PTPRD: variants seen among roughly 807,000 people sequenced by gnomAD.
PTPRD encodes the protein protein tyrosine phosphatase receptor type D.
Under a neutral mutation model 214.5 loss-of-function variants are expected in PTPRD, and 34 were observed. The ratio of observed to expected loss-of-function variants is 0.16; its 90% CI spans 0.12 to 0.21. The LOEUF is 0.21. Ranked by LOEUF, PTPRD falls within the 10% of genes least tolerant of loss-of-function variation. The pLI, the probability that PTPRD is intolerant of heterozygous loss-of-function variation, is 1.00. For missense variants in PTPRD, 2,545 were observed against 2,398.7 expected (o/e 1.06, Z -1.27); for synonymous variants, 1,128 against 845.7 (o/e 1.33, Z -5.79).
At chr9:10,351,409 G>C (rs1162636875) in intron 2 of PTPRD, among the ~76,000 whole-genome samples, 1 of 152,030 alleles carries the variant, frequency 6.6e-6, no homozygotes, top group Admixed American at 6.6e-5. Context: ...TAGTGATTAA[G>C]AGTCACATAC....
intron 39 of PTPRD, among the ~76,000 whole-genome samples, chr9:8,370,484 T>A (rs1252842723): frequency 1.3e-5 from 2 of 152,088 alleles, no homozygotes; most frequent in African/African-American, 4.8e-5. Context: ...ATATACTATT[T>A]TCTGGATTAA....
At chr9:9,842,327 T>C (rs1411763491) in intron 5 of PTPRD, among the ~76,000 whole-genome samples, 1 of 139,254 alleles carries the variant, frequency 7.2e-6, no homozygotes, top group African/African-American at 2.7e-5. Flanking sequence ...TTTTTTGTCA[T>C]GGACACCAAG....
intron 7 of PTPRD, among the ~76,000 whole-genome samples, chr9:9,667,029 T>C (rs1404323195): frequency 1.3e-5 from 2 of 152,078 alleles, no homozygotes; most frequent in Non-Finnish European, 2.9e-5. Flanking sequence ...ACCCTCAAAG[T>C]GCAAACATAA....
intron 2 of PTPRD, among the ~76,000 whole-genome samples, chr9:10,472,079 C>A (rs1203953120): frequency 6.6e-6 from 1 of 151,724 alleles, no homozygotes; most frequent in South Asian, 2.1e-4. Context: ...CTAATAAGGG[C>A]AAGTAAGAAC....
chr9:9,058,660 A>G (rs1226781238), intron 10 of PTPRD, among the ~76,000 whole-genome samples: 3 of 151,118 alleles, frequency 2.0e-5, no homozygotes, highest in South Asian at 2.1e-4. Context: ...CGTGTTAGCC[A>G]GGATGGTCTC....
rs533793311 is a variant in PTPRD, at chr9:10,063,945, T to C, written c.-544-30155A>G. Among the ~76,000 whole-genome samples the C allele has an allele frequency of 4.6e-5, 7 of 152,152 alleles. No individual in the cohort carries two copies. The South Asian group carries it at 1.5e-3, about 32-fold the overall frequency. Reference sequence around the variant, plus strand: ...TTAGCCAGTATTATGACTAAAAACCTTCCCTCACAGCTATTAATGGAACAC... The same window carrying C: ...TTAGCCAGTATTATGACTAAAAACCCTCCCTCACAGCTATTAATGGAACAC... On this transcript the variant is annotated intron_variant, in intron 3 of 45. Coordinates refer to ENST00000381196, the MANE Select transcript of PTPRD (RefSeq NM_002839.4).
chr9:9,407,469 G>A (rs144285766), intron 8 of PTPRD, among the ~76,000 whole-genome samples: 7 of 151,730 alleles, frequency 4.6e-5, no homozygotes, highest in African/African-American at 1.7e-4. Context: ...TCTACATTGA[G>A]TATACCAGAT....
At chr9:8,648,780 A>T (rs1382988286) in intron 12 of PTPRD, among the ~76,000 whole-genome samples, 1 of 152,228 alleles carries the variant, frequency 6.6e-6, no homozygotes, top group East Asian at 1.9e-4. Context: ...TAACATACTC[A>T]GGAAGCCATT....
intron 8 of PTPRD, among the ~76,000 whole-genome samples, chr9:9,523,986 C>T (rs2097058611): frequency 6.6e-6 from 1 of 152,152 alleles, no homozygotes; most frequent in Non-Finnish European, 1.5e-5. Flanking sequence ...TTCCCTCAGC[C>T]ACAGCCATCA....
At chr9:10,094,774 A>G (rs774301156) in intron 3 of PTPRD, among the ~76,000 whole-genome samples, 3 of 151,310 alleles carry the variant, frequency 2.0e-5, no homozygotes, top group Non-Finnish European at 4.4e-5. Flanking sequence ...CAGTAAGCTA[A>G]TTTTCCAGGC....
intron 20 of PTPRD, among the ~76,000 whole-genome samples, chr9:8,519,042 G>C (rs750265302): frequency 2.0e-5 from 3 of 151,820 alleles, no homozygotes; most frequent in Admixed American, 2.0e-4. Context: ...TCTATATTCT[G>C]GTAAGACACA....
intron 3 of PTPRD, among the ~76,000 whole-genome samples, chr9:10,228,707 GAATAT>G (rs2099597451): frequency 6.7e-6 from 1 of 149,334 alleles, no homozygotes; most frequent in Admixed American, 6.7e-5. Flanking sequence ...GCTATTGATA[GAATAT>G]ATTATATGTA....
At chr9:9,784,558 A>G (rs975330723) in intron 5 of PTPRD, among the ~76,000 whole-genome samples, 1 of 152,034 alleles carries the variant, frequency 6.6e-6, no homozygotes, top group African/African-American at 2.4e-5. Flanking sequence ...AGGGAGCTCT[A>G]AAGTCAAATC....
At chr9:8,343,256 G>A (rs1588165639) in intron 39 of PTPRD, among the ~76,000 whole-genome samples, 1 of 152,040 alleles carries the variant, frequency 6.6e-6, no homozygotes, top group African/African-American at 2.4e-5. Flanking sequence ...CTAACTAGCT[G>A]GGAATTTGAT....
chr9:8,360,171 G>A lies in PTPRD; in HGVS notation c.4661+15765C>T, dbSNP rs150815137. On this transcript the variant is annotated intron_variant, in intron 39 of 45. Transcript: ENST00000381196. Reference sequence around the variant, plus strand: ...AGTTAATTACTTTGGAAAGATAGACGTAAAAGTAATTTGTGTCCCGTCATA... The same window carrying A: ...AGTTAATTACTTTGGAAAGATAGACATAAAAGTAATTTGTGTCCCGTCATA... 3.1e-4 allele frequency among the ~76,000 whole-genome samples: 47 copies of A among 152,290 alleles called. No individual in the cohort carries two copies. In the East Asian group the frequency reaches 8.3e-3, roughly 27 times the overall value.
chr9:8,779,641 C>T (rs967216100), intron 11 of PTPRD, among the ~76,000 whole-genome samples: 2 of 152,160 alleles, frequency 1.3e-5, no homozygotes, highest in East Asian at 1.9e-4. Context: ...GCCAGAGATG[C>T]CACTATCTCC....
chr9:10,250,082 C>T lies in PTPRD; in HGVS notation c.-545+90881G>A, dbSNP rs77000965. On this transcript the variant is annotated intron_variant, in intron 3 of 45. Transcript: ENST00000381196. ...CTTTCATTCTAGTTACTGTACTTTT[C>T]ATATTCTATTTAAATCAAAGTACTT... 1.8e-3 allele frequency among the ~76,000 whole-genome samples: 275 copies of T among 152,208 alleles called. 2 individuals carry two copies. The East Asian group carries it at 0.042, about 23-fold the overall frequency.
chr9:8,666,430 A>G (rs1017132010), intron 12 of PTPRD, among the ~76,000 whole-genome samples: 1 of 152,232 alleles, frequency 6.6e-6, no homozygotes, highest in East Asian at 1.9e-4. Context: ...AGGGAAAAAA[A>G]GAGAAGATAG....
At chr9:9,981,409 C>T (rs951729741) in intron 4 of PTPRD, among the ~76,000 whole-genome samples, 1 of 146,984 alleles carries the variant, frequency 6.8e-6, no homozygotes, top group African/African-American at 2.5e-5. Flanking sequence ...GGCTGGAGTG[C>T]AGTGGCACGA....
Sources: gnomAD v4.1 joint callset for allele counts (sites outside exome capture counted in the v4.1 genomes callset) on GRCh38, gnomAD v4.1.1 for gene constraint, MANE v1.5 for transcripts, NCBI Gene and HGNC (gene_info 2026-07-23, HGNC 2026-07-21) for gene names.